The following UBR4 variants were observed in gnomAD, a reference collection of about 807,000 sequenced individuals.
UBR4 encodes the protein ubiquitin protein ligase E3 component n-recognin 4.
Under a neutral mutation model 575.6 loss-of-function variants are expected in UBR4, and 124 were observed. That is an observed-to-expected ratio of 0.22 (90% CI 0.19 to 0.25). The LOEUF (loss-of-function observed/expected upper bound fraction) is 0.25. UBR4 is among the 10% of genes least tolerant of loss of function. The pLI is 1.00. For missense variants in UBR4, 4,818 were observed against 6,478.8 expected, an observed-to-expected ratio of 0.74 and a Z score of 8.80; for synonymous variants, 2,455 against 2,473.7, an observed-to-expected ratio of 0.99 and a Z score of 0.22.
chr1:19,123,461 A>AAG (rs1553163667), intron 65 of UBR4, among the ~76,000 whole-genome samples: 1 of 151,628 alleles, frequency 6.6e-6, no homozygotes, highest in East Asian at 1.9e-4. Context: ...TAAAAAAAAA[A>AAG]AAAAAAACAA....
Position 19,160,186 on chromosome 1 carries a change from G to T in UBR4, c.5502C>A (p.Ser1834Arg). The change falls in exon 39 of 106, where the codon AGC becomes AGA. Residue 1834 changes from serine (S) to arginine (R), a missense_variant. This residue lies in a region of UBR4 where 159 missense variants were observed against 174.6 expected (regional missense o/e 0.91). Transcript: ENST00000375254. ...TNFQQASAVG[S>R]SSRAQQALSE... ...TGAGGGCTTGCTGAGCACGGCTGCT[G>T]CTCCCGACGGCTGAAGCTTGCTGGA... The T allele has an allele frequency of 6.2e-7, 1 of 1,613,990 alleles. No individual in the cohort carries two copies.
At chr1:19,172,723 C>T (rs1571428102) in intron 25 of UBR4, 141 bp downstream of exon 25, 1 of 761,198 alleles carries the variant, frequency 1.3e-6, no homozygotes, top group Non-Finnish European at 2.1e-6. Flanking sequence ...AGCACCCCTT[C>T]ATACTAGAGA....
rs948453645 is a variant in UBR4, at chr1:19,170,751, T to C, written c.3643+11A>G. On this transcript the variant is annotated intron_variant, in intron 26 of 105. Coordinates refer to ENST00000375254, the MANE Select transcript of UBR4 (RefSeq NM_020765.3). Reference sequence around the variant, plus strand: ...TAATAATATTACTCAAAAGCACATTTGTTCTCTTACCCAGAGTATTTGCCT... The same window carrying C: ...TAATAATATTACTCAAAAGCACATTCGTTCTCTTACCCAGAGTATTTGCCT... 15 of 1,614,088 alleles carry C rather than the reference T, an allele frequency of 9.3e-6. No homozygotes were observed. The highest frequency in any genetic ancestry group is 1.3e-5 in the Non-Finnish European group (15 of 1,180,030).
In UBR4 at chr1:19,184,082, G is replaced by A. The variant is rs763848912; in HGVS notation, c.2032C>T (p.Leu678Phe). 2 of 1,614,160 alleles carry A rather than the reference G, an allele frequency of 1.2e-6. No homozygotes were observed. Among genetic ancestry groups the A allele is most frequent in the Admixed American group, 3.3e-5 (2 of 60,020 alleles). ...AGGGTGGCCATATGGTGTTCTGAAA[G>A]AGATACACTCAGATAGTTTCGGATA... is the stretch of plus-strand genomic sequence containing the variant. ...NFIRNYLSVS[L>F]SEHHMATLAS... The change falls in exon 16 of 106, where the codon CTT (leucine) becomes TTT (phenylalanine). Residue 678 changes from leucine to phenylalanine, a missense_variant. By Grantham distance (22) the Leu-to-Phe change is conservative. Around this residue, in one of 29 missense-constraint regions of UBR4, gnomAD observed 1,172 missense variants for 1,259.7 expected, o/e 0.93. Transcript: ENST00000375254.
At chr1:19,130,597 T>G (rs772661702) in intron 60 of UBR4, among the ~76,000 whole-genome samples, 1 of 152,208 alleles carries the variant, frequency 6.6e-6, no homozygotes, top group Non-Finnish European at 1.5e-5. Flanking sequence ...CTCAAAGGAA[T>G]GAGCTAACTG....
rs370399754 is a variant in UBR4 at position 19,192,246 on chromosome 1, C to T, written c.1336G>A (p.Asp446Asn). ...CCCTCTTTAGTACGAGAAAGGATGT[C>T]TCTGACTCGGAGGGCAGCCAGTGGG... is the stretch of plus-strand genomic sequence containing the variant. ...KDPLAALRVR[D>N]ILSRTKEGVG... The change falls in exon 11 of 106, where the codon GAC becomes AAC. Residue 446 changes from aspartate (D) to asparagine (N), a missense_variant. Around this residue, in one of 29 missense-constraint regions of UBR4, gnomAD observed 162 missense variants for 216.4 expected, o/e 0.75. Coordinates refer to ENST00000375254, the MANE Select transcript of UBR4 (RefSeq NM_020765.3). The T allele has an allele frequency of 2.5e-6, 4 of 1,614,068 alleles. No individual in the cohort carries two copies. Among genetic ancestry groups the T allele is most frequent in the Non-Finnish European group, 2.5e-6 (3 of 1,180,038 alleles).
At position 19,140,792 on chromosome 1, in the gene UBR4, T is replaced by A. The variant is rs756450594; in HGVS notation, c.8589A>T (p.Ala2863=). 7 of 1,613,018 alleles carry A rather than the reference T, an allele frequency of 4.3e-6. No individual in the cohort carries two copies. The South Asian group carries it at 7.7e-5, about 18-fold the overall frequency. ...CTCCTTGCTGTGGACAGTTACCTGA[T>A]GCTGTGGTGTCAGAGAGGGTTCCTG... ...LDAGTLSDTT[A]SAPASDDEGS... Residue 2863 remains alanine (A), a synonymous_variant, in exon 58 of 106, where the codon GCA becomes GCT. Transcript: ENST00000375254.
At chr1:19,165,816 T>G in intron 29 of UBR4, 59 bp from the exon 30 acceptor site, 1 of 1,389,682 alleles carries the variant, frequency 7.2e-7, no homozygotes, top group Non-Finnish European at 9.9e-7. Context: ...ATGTCCTCCT[T>G]ATGGTGATTT....
chr1:19,135,343 G>C (rs2083080091), intron 60 of UBR4, among the ~76,000 whole-genome samples: 1 of 152,046 alleles, frequency 6.6e-6, no homozygotes, highest in African/African-American at 2.4e-5. Flanking sequence ...ATTCTATAAA[G>C]TCCTCTAAAT....
chr1:19,153,559 C>G lies in UBR4; in HGVS notation c.6631-57G>C. Reference sequence around the variant, plus strand: ...TCCCACACCCACAGATCAGCATCCTCACAGAAAAAGAGGCAGAGATGCAAC... The same window carrying G: ...TCCCACACCCACAGATCAGCATCCTGACAGAAAAAGAGGCAGAGATGCAAC... On this transcript the variant is annotated intron_variant, in intron 45 of 105. Transcript: ENST00000375254. The surrounding 1 kb of genome is among the most constrained non-coding windows in gnomAD (Gnocchi z 4.1). 1 of 1,596,822 alleles carries G rather than the reference C, an allele frequency of 6.3e-7. No homozygotes were observed. The highest frequency in any genetic ancestry group is 8.6e-7 in the Non-Finnish European group (1 of 1,167,746).
chr1:19,112,639 A>G lies in UBR4; in HGVS notation c.11686T>C (p.Leu3896=). 1 of 1,614,250 alleles carries G rather than the reference A, an allele frequency of 6.2e-7. No homozygotes were observed. Among genetic ancestry groups the G allele is most frequent in the Non-Finnish European group, 8.5e-7 (1 of 1,180,048 alleles). Reference sequence around the variant, plus strand: ...CCCTGGGAGACAAGGATGTGCCTCAAGGCTGGGTTGGTGGCCAGGGCCCGA... The same window carrying G: ...CCCTGGGAGACAAGGATGTGCCTCAGGGCTGGGTTGGTGGCCAGGGCCCGA... ...LLRALATNPA[L]RHILVSQGLI... The change falls in exon 78 of 106, where the codon TTG becomes CTG. Residue 3896 remains leucine (L), a synonymous_variant. Coordinates refer to ENST00000375254, the MANE Select transcript of UBR4 (RefSeq NM_020765.3).
intron 77 of UBR4, chr1:19,113,070 A>C (rs937348603): frequency 3.5e-6 from 2 of 564,874 alleles, no homozygotes; most frequent in Admixed American, 7.3e-5. Context: ...GACCAAGATA[A>C]GTGGCAGAGT....
At position 19,162,549 on chromosome 1, in the gene UBR4, G is replaced by A. The variant is rs1183306983; in HGVS notation, c.4827C>T (p.Ala1609=). 4 of 1,614,072 alleles carry A rather than the reference G, an allele frequency of 2.5e-6. No homozygotes were observed. Among genetic ancestry groups the A allele is most frequent in the South Asian group, 1.1e-5 (1 of 91,082 alleles). ...IMSYLADVTN[A]LSQSNGQGPS... The stretch of plus-strand genomic sequence containing the variant: ...GGCCTTGACCATTACTCTGGCTCAG[G>A]GCATTCGTGACATCAGCCAAGTAAG... Residue 1609 remains alanine (A), a synonymous_variant, in exon 35 of 106, where the codon GCC becomes GCT. Transcript: ENST00000375254.
chr1:19,118,418 CT>C (rs35059878), intron 71 of UBR4: 5,465 of 130,150 alleles, frequency 0.042, 58 homozygotes, highest in African/African-American at 0.062. Context: ...AACTAAAGAC[CT>C]TTTTTTTTTT....
At chr1:19,194,919 C>G (rs888401546) in intron 8 of UBR4, among the ~76,000 whole-genome samples, 4 of 151,754 alleles carry the variant, frequency 2.6e-5, no homozygotes, top group Admixed American at 6.6e-5. Flanking sequence ...TCAAATCTAG[C>G]CTGGGCAACA....
Position 19,155,672 on chromosome 1 carries a change from C to T in UBR4, c.6073-4G>A. The stretch of plus-strand genomic sequence containing the variant: ...CATCAACACACAGGTCATAAATCTG[C>T]AGGATGGAAGAAAAATTAAATAAGG... On this transcript the variant is annotated splice_region_variant and splice_polypyrimidine_tract_variant and intron_variant, in intron 42 of 105. Transcript: ENST00000375254. 6.2e-7 allele frequency: 1 copy of T among 1,610,694 alleles called. No individual in the cohort carries two copies. Among genetic ancestry groups the T allele is most frequent in the African/African-American group, 1.3e-5 (1 of 74,980 alleles).
At chr1:19,140,913 G>A (rs2083835901) in intron 57 of UBR4, 21 bp from the exon 58 acceptor site, 4 of 1,589,972 alleles carry the variant, frequency 2.5e-6, no homozygotes, top group African/African-American at 1.3e-5. Flanking sequence ...AGTGGAGAGT[G>A]AGCACAACAT....
chr1:19,113,741 T>C lies in UBR4; in HGVS notation c.11415A>G (p.Gly3805=). 6.2e-7 allele frequency: 1 copy of C among 1,614,204 alleles called. No homozygotes were observed. Among genetic ancestry groups the C allele is most frequent in the South Asian group, 1.1e-5 (1 of 91,084 alleles). ...YILQLAQEYC[G]DCKNSFDELS... is the part of the protein sequence containing the mutation. ...GTTCATCAAAAGAGTTCTTGCAGTC[T>C]CCACAATACTCCTGAGCCAACTGCA... The change falls in exon 77 of 106, where the codon GGA becomes GGG. Residue 3805 remains glycine (G), a synonymous_variant. Transcript: ENST00000375254.
Position 19,129,091 on chromosome 1 carries a change from A to T in UBR4, c.8907-17T>A, listed in dbSNP as rs1557701512. On this transcript the variant is annotated splice_polypyrimidine_tract_variant and intron_variant, in intron 60 of 105. Coordinates refer to ENST00000375254, the MANE Select transcript of UBR4 (RefSeq NM_020765.3). The stretch of plus-strand genomic sequence containing the variant: ...ATGTGCAGCCTAAAAGGGTGGGGAA[A>T]AGATAGAAAATATGAGCTGTACTCC... The T allele has an allele frequency of 1.2e-6, 2 of 1,609,454 alleles. No homozygotes were observed. Among genetic ancestry groups the T allele is most frequent in the African/African-American group, 1.3e-5 (1 of 74,798 alleles).
Sources: gnomAD v4.1 joint callset for allele counts (sites outside exome capture counted in the v4.1 genomes callset) on GRCh38, gnomAD v4.1.1 for gene constraint, gnomAD v4.1.1 regional missense constraint, Gnocchi (gnomAD v3.1) non-coding constraint, MANE v1.5 for transcripts, NCBI Gene and HGNC (gene_info 2026-07-23, HGNC 2026-07-21) for gene names.